FSTL4: variants seen among roughly 807,000 people sequenced by gnomAD.
FSTL4 encodes follistatin like 4.
In FSTL4, 28 loss-of-function variants were observed where a neutral mutation model predicts 78.2. That is an observed-to-expected ratio of 0.36 (90% CI 0.27 to 0.49). The LOEUF (loss-of-function observed/expected upper bound fraction) is 0.49, where lower values mean the gene tolerates loss of function less well. Ranked by LOEUF, FSTL4 falls within the 20% of genes least tolerant of loss-of-function variation. FSTL4 has a pLI of 0.98. For synonymous variants in FSTL4, 422 were observed against 440.5 expected, an observed-to-expected ratio of 0.96 and a Z score of 0.53; for missense variants, 922 against 1,084.9, an observed-to-expected ratio of 0.85 and a Z score of 2.11.
chr5:133,487,113 G>A (rs1758153977), intron 3 of FSTL4, among the ~76,000 whole-genome samples: 1 of 152,180 alleles, frequency 6.6e-6, no homozygotes, highest in African/African-American at 2.4e-5. Flanking sequence ...CCAATGAACT[G>A]CATAGAAGGA....
the FSTL4 span, among the ~76,000 whole-genome samples, chr5:133,835,612 T>A: frequency 2.6e-5 from 4 of 152,188 alleles, no homozygotes; most frequent in Admixed American, 2.6e-4. Context: ...GAAATCTCCA[T>A]GAGCACATAA....
At chr5:133,700,382 C>CA in the FSTL4 span, among the ~76,000 whole-genome samples, 3 of 150,570 alleles carry the variant, frequency 2.0e-5, no homozygotes, top group Non-Finnish European at 4.4e-5. Context: ...ACCACCACAC[C>CA]AAACACCACA....
At chr5:133,443,540 C>T (rs183872535) in intron 3 of FSTL4, among the ~76,000 whole-genome samples, 207 of 152,342 alleles carry the variant, frequency 1.4e-3, no homozygotes, top group African/African-American at 4.8e-3. Context: ...TTTTACCTAA[C>T]GTGGCTGCTT....
chr5:133,775,032 C>T, the FSTL4 span, among the ~76,000 whole-genome samples: 2 of 152,142 alleles, frequency 1.3e-5, no homozygotes, highest in African/African-American at 2.4e-5. Flanking sequence ...AAGAAAAGCA[C>T]AACTTGATTG....
At chr5:133,443,467 TA>T (rs1340415964) in intron 3 of FSTL4, among the ~76,000 whole-genome samples, 12 of 152,228 alleles carry the variant, frequency 7.9e-5, no homozygotes, top group Non-Finnish European at 1.6e-4. Flanking sequence ...ATCTGTTTCT[TA>T]AAACCAGGGC....
intron 2 of FSTL4, among the ~76,000 whole-genome samples, chr5:133,570,269 T>G (rs960490063): frequency 6.6e-6 from 1 of 151,998 alleles, no homozygotes. Context: ...ATTTGGAAGT[T>G]TTCCTTTTAT....
chr5:133,370,672 T>G (rs1373114674), intron 4 of FSTL4, among the ~76,000 whole-genome samples: 1 of 151,578 alleles, frequency 6.6e-6, no homozygotes, highest in East Asian at 1.9e-4. Context: ...TCCCGCCAGC[T>G]GGAGAGAAGG....
At chr5:133,715,181 AT>A in the FSTL4 span, among the ~76,000 whole-genome samples, 1 of 152,262 alleles carries the variant, frequency 6.6e-6, no homozygotes, top group African/African-American at 2.4e-5. Flanking sequence ...AGGATAGAAG[AT>A]CTCCAAATAA....
intron 1 of FSTL4, among the ~76,000 whole-genome samples, chr5:133,604,570 G>A (rs751141203): frequency 6.6e-6 from 1 of 152,234 alleles, no homozygotes; most frequent in Admixed American, 6.5e-5. Context: ...TTAGCTGGGC[G>A]TGGTAGCAGG....
At chr5:133,568,851 C>T (rs1197168642) in intron 2 of FSTL4, among the ~76,000 whole-genome samples, 1 of 152,160 alleles carries the variant, frequency 6.6e-6, no homozygotes, top group African/African-American at 2.4e-5. Context: ...GTTGTGGTTA[C>T]ATAAAATTTA....
intron 2 of FSTL4, among the ~76,000 whole-genome samples, chr5:133,580,951 A>G (rs753417578): frequency 2.6e-5 from 4 of 151,974 alleles, no homozygotes; most frequent in African/African-American, 4.8e-5. Flanking sequence ...ACTCCTACCC[A>G]CACTCATGAA....
At chr5:133,826,729 A>T in the FSTL4 span, among the ~76,000 whole-genome samples, 3 of 152,206 alleles carry the variant, frequency 2.0e-5, no homozygotes, top group African/African-American at 7.2e-5. Flanking sequence ...AGTCACACAC[A>T]CTGGGCTCAG....
chr5:133,742,105 C>T, the FSTL4 span, among the ~76,000 whole-genome samples: 1 of 152,232 alleles, frequency 6.6e-6, no homozygotes, highest in South Asian at 2.1e-4. Context: ...GTGCCATGGA[C>T]CCCTGCACCC....
chr5:133,751,119 C>A, the FSTL4 span, among the ~76,000 whole-genome samples: 13 of 152,152 alleles, frequency 8.5e-5, no homozygotes, highest in Admixed American at 5.9e-4. Flanking sequence ...CCTCTCCCCC[C>A]AGCCCTCAGG....
the FSTL4 span, among the ~76,000 whole-genome samples, chr5:133,668,835 G>A: frequency 6.6e-6 from 1 of 152,166 alleles, no homozygotes; most frequent in African/African-American, 2.4e-5. Context: ...CAGGCATAGT[G>A]CATTAGATGA....
At chr5:133,403,182 C>T (rs907813987) in intron 3 of FSTL4, among the ~76,000 whole-genome samples, 12 of 152,234 alleles carry the variant, frequency 7.9e-5, no homozygotes, top group Non-Finnish European at 1.8e-4. Context: ...GCCATGGGAT[C>T]ACTGTTTTAA....
At position 133,319,778 on chromosome 5, in the gene FSTL4, G is replaced by A. The variant is rs554915587; in HGVS notation, c.410-3126C>T. 2.6e-5 allele frequency among the ~76,000 whole-genome samples: 4 copies of A among 152,292 alleles called. No individual in the cohort carries two copies. The East Asian group carries it at 5.8e-4, about 22-fold the overall frequency. ...CACTGGGGTCCTGAGATGAACCAAG[G>A]GATTCCAGGAACAGAATCTTAAATC... On this transcript the variant is annotated intron_variant, in intron 4 of 15. Transcript: ENST00000265342.
chr5:133,311,282 A>G (rs1346149641), intron 6 of FSTL4, among the ~76,000 whole-genome samples: 3 of 152,178 alleles, frequency 2.0e-5, no homozygotes, highest in Non-Finnish European at 4.4e-5. Context: ...TAAGCCTACC[A>G]GTCACTCTCA....
the FSTL4 span, among the ~76,000 whole-genome samples, chr5:133,766,733 A>C: frequency 2.6e-5 from 4 of 152,220 alleles, no homozygotes; most frequent in Admixed American, 2.0e-4. Flanking sequence ...GCCGAGTTCC[A>C]GGTTAGGCAC....
Sources: gnomAD v4.1 joint callset for allele counts (sites outside exome capture counted in the v4.1 genomes callset) on GRCh38, gnomAD v4.1.1 for gene constraint, MANE v1.5 for transcripts, NCBI Gene and HGNC (gene_info 2026-07-23, HGNC 2026-07-21) for gene names.